Variants in IQCM observed in about 807,000 individuals in gnomAD.
IQCM encodes the protein IQ motif containing M.
Under a neutral mutation model 57.6 loss-of-function variants are expected in IQCM, and 45 were observed. The ratio of observed to expected loss-of-function variants is 0.78; its 90% CI spans 0.62 to 1.00. The LOEUF is 1.00. Among genes scored for constraint, IQCM ranks in the 50% least tolerant of loss-of-function variants. IQCM has a pLI of 0.00. For missense variants in IQCM, 468 were observed against 511.6 expected, an observed-to-expected ratio of 0.91 and a Z score of 0.82; for synonymous variants, 148 against 158.9, an observed-to-expected ratio of 0.93 and a Z score of 0.51.
At chr4:149,704,290 T>C (rs1350993611) in intron 5 of IQCM, among the ~76,000 whole-genome samples, 4 of 151,852 alleles carry the variant, frequency 2.6e-5, no homozygotes, top group African/African-American at 7.2e-5. Context: ...GCTCAACCCC[T>C]GGAATAAACA....
intron 5 of IQCM, among the ~76,000 whole-genome samples, chr4:149,722,628 A>G (rs1272033896): frequency 6.6e-6 from 1 of 151,860 alleles, no homozygotes; most frequent in Non-Finnish European, 1.5e-5. Flanking sequence ...TGGGTCCTCT[A>G]TTCTGTTCTA....
chr4:149,398,748 C>G (rs192324331), intron 13 of IQCM, among the ~76,000 whole-genome samples: 1 of 152,092 alleles, frequency 6.6e-6, no homozygotes, highest in Admixed American at 6.6e-5. Flanking sequence ...GCTATGTTGC[C>G]CAGGCTACAG....
At chr4:149,815,563 T>C (rs781628835) in intron 1 of IQCM, 37 bp downstream of exon 1, 5 of 152,020 alleles carry the variant, frequency 3.3e-5, no homozygotes, top group Non-Finnish European at 7.4e-5. Flanking sequence ...AGATAATTAA[T>C]ACTACTTAAG....
At chr4:149,725,063 T>A (rs1283328285) in intron 5 of IQCM, among the ~76,000 whole-genome samples, 2 of 152,108 alleles carry the variant, frequency 1.3e-5, no homozygotes, top group Admixed American at 1.3e-4. Flanking sequence ...GTATCAAAAC[T>A]ATGGGCATGT....
chr4:149,813,149 T>G (rs1036908225), intron 2 of IQCM, among the ~76,000 whole-genome samples: 5 of 152,142 alleles, frequency 3.3e-5, no homozygotes, highest in Admixed American at 6.6e-5. Flanking sequence ...AAGAAAATTT[T>G]TATTATTTTT....
intron 5 of IQCM, among the ~76,000 whole-genome samples, chr4:149,716,763 G>A (rs1055743030): frequency 6.6e-6 from 1 of 152,182 alleles, no homozygotes; most frequent in African/African-American, 2.4e-5. Context: ...CCCATCCACA[G>A]TACATAAAGG....
intron 5 of IQCM, among the ~76,000 whole-genome samples, chr4:149,712,243 A>G (rs1346625004): frequency 1.3e-5 from 2 of 152,132 alleles, no homozygotes; most frequent in African/African-American, 4.8e-5. Flanking sequence ...GAAATTAATA[A>G]CTACCTTGGG....
At chr4:149,491,558 G>C (rs1244827937) in intron 12 of IQCM, among the ~76,000 whole-genome samples, 1 of 151,904 alleles carries the variant, frequency 6.6e-6, no homozygotes, top group African/African-American at 2.4e-5. Context: ...TGTTTTCCAG[G>C]TTCATCTATG....
chr4:149,596,102 T>A (rs937010842), intron 8 of IQCM, among the ~76,000 whole-genome samples: 1 of 152,156 alleles, frequency 6.6e-6, no homozygotes, highest in African/African-American at 2.4e-5. Flanking sequence ...ATGTAGACAT[T>A]TAAGCTAAGT....
At chr4:149,698,997 ATGT>A (rs528518497) in intron 5 of IQCM, among the ~76,000 whole-genome samples, 11 of 152,174 alleles carry the variant, frequency 7.2e-5, no homozygotes, top group South Asian at 4.1e-4. Flanking sequence ...AAAATTAGTG[ATGT>A]TGATGATTAT....
At chr4:149,639,941 T>C (rs1242638093) in intron 7 of IQCM, among the ~76,000 whole-genome samples, 1 of 152,092 alleles carries the variant, frequency 6.6e-6, no homozygotes, top group Non-Finnish European at 1.5e-5. Flanking sequence ...TAAAATAAAA[T>C]ATTTGCAAAA....
chr4:149,724,932 T>G (rs1165933411), intron 5 of IQCM, among the ~76,000 whole-genome samples: 2 of 152,050 alleles, frequency 1.3e-5, no homozygotes, highest in Admixed American at 6.6e-5. Flanking sequence ...TAAAATTTAA[T>G]AATTTTTAAT....
chr4:149,380,207 A>G (rs1730980988), intron 13 of IQCM, among the ~76,000 whole-genome samples: 1 of 151,704 alleles, frequency 6.6e-6, no homozygotes, highest in African/African-American at 2.4e-5. Context: ...GATCATGCAT[A>G]ATGAATGTGC....
intron 2 of IQCM, among the ~76,000 whole-genome samples, chr4:149,791,322 G>C (rs1312218885): frequency 1.3e-5 from 2 of 151,832 alleles, no homozygotes; most frequent in African/African-American, 4.8e-5. Context: ...GTACACTTTG[G>C]GGGGGTACAT....
chr4:149,608,110 G>A (rs1008603668), intron 8 of IQCM, among the ~76,000 whole-genome samples: 4 of 151,844 alleles, frequency 2.6e-5, no homozygotes, highest in African/African-American at 9.7e-5. Flanking sequence ...ACCAAAAAAA[G>A]AGTAGGAATG....
intron 12 of IQCM, among the ~76,000 whole-genome samples, chr4:149,463,600 T>C (rs567096113): frequency 6.6e-6 from 1 of 152,296 alleles, no homozygotes; most frequent in Non-Finnish European, 1.5e-5. Context: ...TGGGGAACAA[T>C]TGGTTATGAA....
Position 149,733,311 on chromosome 4 carries a change from G to C in IQCM, c.318C>G (p.Ile106Met), listed in dbSNP as rs1766634492. The C allele has an allele frequency of 8.1e-7, 1 of 1,231,322 alleles. No individual in the cohort carries two copies. The highest frequency in any genetic ancestry group is 4.2e-5 in the Admixed American group (1 of 23,680). 76.3% of individuals were successfully genotyped at this position (1,231,322 alleles called of 1,614,324 possible). Residue 106 changes from isoleucine to methionine, a missense_variant, in exon 5 of 14, where the codon ATC becomes ATG. Coordinates refer to ENST00000636793, the MANE Select transcript of IQCM (RefSeq NM_001363507.2). Reference sequence around the variant, plus strand: ...TAAAAATGTGTGGTTCCTTGAAGGAGATTCGTTGTGGGGGTTCCTGAAGAT... The same window carrying C: ...TAAAAATGTGTGGTTCCTTGAAGGACATTCGTTGTGGGGGTTCCTGAAGAT... Reference protein sequence around the residue: ...SEHLQEPPQRISFKEPHIFSR... With the variant: ...SEHLQEPPQRMSFKEPHIFSR...
chr4:149,680,340 T>C (rs958833619), intron 7 of IQCM, among the ~76,000 whole-genome samples: 3 of 151,440 alleles, frequency 2.0e-5, no homozygotes, highest in African/African-American at 7.2e-5. Flanking sequence ...TTAAAGCATA[T>C]AAACTAAACT....
intron 13 of IQCM, among the ~76,000 whole-genome samples, chr4:149,391,126 T>C (rs1053515740): frequency 6.6e-6 from 1 of 151,928 alleles, no homozygotes; most frequent in African/African-American, 2.4e-5. Flanking sequence ...TTTCTGGACC[T>C]GGGATTTTCC....
Sources: gnomAD v4.1 joint callset for allele counts (sites outside exome capture counted in the v4.1 genomes callset) on GRCh38, gnomAD v4.1.1 for gene constraint, MANE v1.5 for transcripts, NCBI Gene and HGNC (gene_info 2026-07-23, HGNC 2026-07-21) for gene names.